The following ACYP2 variants were observed in gnomAD, a reference collection of about 807,000 sequenced individuals.
ACYP2 encodes the protein acylphosphatase 2.
Under a neutral mutation model 11.2 loss-of-function variants are expected in ACYP2, and 12 were observed. The observed-to-expected ratio is 1.08, with a 90% confidence interval of 0.69 to 1.74. ACYP2 has a LOEUF of 1.74. Ranked by LOEUF, ACYP2 falls within the 40% of genes most tolerant of loss-of-function variation. The probability of loss-of-function intolerance (pLI) is 0.00; values close to 1 mark genes in which losing one functional copy is unlikely to be tolerated. For missense variants in ACYP2, 134 were observed against 101.9 expected, an observed-to-expected ratio of 1.31 and a Z score of -1.35; for synonymous variants, 43 against 32.2, an observed-to-expected ratio of 1.33 and a Z score of -1.13.
intron 6 of ACYP2, among the ~76,000 whole-genome samples, chr2:54,301,989 T>C (rs577341415): frequency 1.3e-5 from 2 of 152,198 alleles, no homozygotes; most frequent in East Asian, 3.9e-4. Flanking sequence ...GAGCTCAGTC[T>C]CCCAACACCA....
intron 2 of ACYP2, among the ~76,000 whole-genome samples, chr2:53,975,910 G>A (rs1671457802): frequency 6.6e-6 from 1 of 152,142 alleles, no homozygotes; most frequent in Non-Finnish European, 1.5e-5. Flanking sequence ...GACCCTCAAG[G>A]AAACAGACTA....
chr2:54,088,996 G>A (rs376590350), intron 4 of ACYP2, among the ~76,000 whole-genome samples: 1 of 152,196 alleles, frequency 6.6e-6, no homozygotes, highest in African/African-American at 2.4e-5. Flanking sequence ...AAGAAAGTAA[G>A]AAAGATAAGA....
chr2:54,196,062 T>G (rs1684466747), intron 6 of ACYP2, among the ~76,000 whole-genome samples: 1 of 152,108 alleles, frequency 6.6e-6, no homozygotes. Context: ...CCTCCCAAAG[T>G]GCTGGGATTA....
At chr2:54,207,023 T>C (rs1290164418) in intron 6 of ACYP2, among the ~76,000 whole-genome samples, 1 of 152,034 alleles carries the variant, frequency 6.6e-6, no homozygotes, top group Non-Finnish European at 1.5e-5. Flanking sequence ...TGTGTGTGTA[T>C]ATGTGTGCAT....
chr2:53,982,089 A>G (rs747812230), intron 2 of ACYP2, among the ~76,000 whole-genome samples: 2 of 151,950 alleles, frequency 1.3e-5, no homozygotes, highest in South Asian at 2.1e-4. Flanking sequence ...GATTCACAAT[A>G]GAGTCAGTGA....
chr2:54,106,220 G>A (rs1679148945), intron 4 of ACYP2, among the ~76,000 whole-genome samples: 1 of 151,952 alleles, frequency 6.6e-6, no homozygotes, highest in Non-Finnish European at 1.5e-5. Flanking sequence ...ACCTTTTAAA[G>A]GTAAGATTTA....
At chr2:53,989,981 C>CTTTTCT (rs1225120114) in intron 2 of ACYP2, among the ~76,000 whole-genome samples, 59 of 143,218 alleles carry the variant, frequency 4.1e-4, no homozygotes, top group East Asian at 1.6e-3. Context: ...CTTTTCTTTT[C>CTTTTCT]TTTTTTTTTT....
intron 2 of ACYP2, among the ~76,000 whole-genome samples, chr2:54,006,666 C>G (rs1024763928): frequency 3.9e-5 from 6 of 152,038 alleles, no homozygotes; most frequent in Non-Finnish European, 8.8e-5. Flanking sequence ...CAGGGTCTTG[C>G]TTTGTCACCC....
intron 6 of ACYP2, among the ~76,000 whole-genome samples, chr2:54,263,519 G>T (rs922024967): frequency 6.6e-6 from 1 of 152,178 alleles, no homozygotes; most frequent in Non-Finnish European, 1.5e-5. Flanking sequence ...AGCTACTCAG[G>T]AGGCTGAGAT....
chr2:54,164,299 C>A (rs891718830), intron 6 of ACYP2, among the ~76,000 whole-genome samples: 4 of 152,110 alleles, frequency 2.6e-5, no homozygotes, highest in African/African-American at 9.7e-5. Flanking sequence ...GTCTAGGAGC[C>A]AGATAGGTGA....
At chr2:54,029,412 T>C (rs189665927) in intron 2 of ACYP2, 65 of 182,902 alleles carry the variant, frequency 3.6e-4, no homozygotes, top group Admixed American at 1.2e-3. Flanking sequence ...CCAGAGGTCA[T>C]ATATATACAT....
intron 6 of ACYP2, among the ~76,000 whole-genome samples, chr2:54,201,318 G>C (rs539254005): frequency 6.6e-6 from 1 of 151,966 alleles, no homozygotes; most frequent in African/African-American, 2.4e-5. Context: ...TGTTAGCCAG[G>C]ATGGTCTCAA....
At chr2:54,158,425 C>T (rs1192022657) in intron 6 of ACYP2, among the ~76,000 whole-genome samples, 1 of 151,848 alleles carries the variant, frequency 6.6e-6, no homozygotes, top group Non-Finnish European at 1.5e-5. Flanking sequence ...AGCCTGTTGT[C>T]GAACTTCTGG....
At chr2:54,263,392 C>G (rs116366684) in intron 6 of ACYP2, among the ~76,000 whole-genome samples, 1 of 152,328 alleles carries the variant, frequency 6.6e-6, no homozygotes, top group African/African-American at 2.4e-5. Flanking sequence ...ACCTCGAACA[C>G]TGGGGATTAC....
chr2:54,086,805 G>T (rs1677971708), intron 4 of ACYP2, among the ~76,000 whole-genome samples: 2 of 152,212 alleles, frequency 1.3e-5, no homozygotes, highest in Admixed American at 1.3e-4. Context: ...AAGGATTTTT[G>T]TGGTCAAATG....
chr2:53,990,265 C>T (rs936958028), intron 2 of ACYP2, among the ~76,000 whole-genome samples: 2 of 152,064 alleles, frequency 1.3e-5, no homozygotes, highest in Non-Finnish European at 2.9e-5. Flanking sequence ...AGGCATGAGC[C>T]ACCACTCCTG....
At chr2:54,256,039 T>C (rs769906188) in intron 6 of ACYP2, 13 of 1,614,098 alleles carry the variant, frequency 8.1e-6, no homozygotes, top group Non-Finnish European at 1.1e-5. Flanking sequence ...ATCAAACATA[T>C]CTGCCATTAC....
At chr2:54,219,409 G>C (rs928140844) in intron 6 of ACYP2, among the ~76,000 whole-genome samples, 1 of 152,104 alleles carries the variant, frequency 6.6e-6, no homozygotes, top group Non-Finnish European at 1.5e-5. Flanking sequence ...CAACATAATG[G>C]AGGTCTTTGA....
chr2:54,196,023 C>A (rs919195552), intron 6 of ACYP2, among the ~76,000 whole-genome samples: 2 of 151,956 alleles, frequency 1.3e-5, no homozygotes, highest in African/African-American at 4.8e-5. Context: ...GTCTCAAACT[C>A]CTGACCTCAG....
Sources: gnomAD v4.1 joint callset for allele counts (sites outside exome capture counted in the v4.1 genomes callset) on GRCh38, gnomAD v4.1.1 for gene constraint, MANE v1.5 for transcripts, NCBI Gene and HGNC (gene_info 2026-07-23, HGNC 2026-07-21) for gene names.